MDGA2: variants seen among roughly 807,000 people sequenced by gnomAD.
The protein encoded by MDGA2 is MAM domain-containing glycosylphosphatidylinositol anchor protein 2.
MDGA2 carries 40 observed loss-of-function variants against 117.8 expected under a neutral mutation model. The observed-to-expected ratio is 0.34, with a 90% CI of 0.26 to 0.44. The LOEUF is 0.44. MDGA2 is among the 20% of genes least tolerant of loss of function. The pLI is 1.00. For missense variants in MDGA2, 1,123 were observed against 1,250.6 expected (o/e 0.90, Z 1.54); for synonymous variants, 452 against 439.0 (o/e 1.03, Z -0.37).
intron 16 of MDGA2, among the ~76,000 whole-genome samples, chr14:46,842,283 C>T (rs1880647738): frequency 6.6e-6 from 1 of 152,022 alleles, no homozygotes; most frequent in Admixed American, 6.6e-5. Context: ...ATAACATATT[C>T]ACATAGGTTT....
At chr14:47,381,960 T>C (rs1204824322) in intron 1 of MDGA2, among the ~76,000 whole-genome samples, 1 of 152,108 alleles carries the variant, frequency 6.6e-6, no homozygotes, top group Non-Finnish European at 1.5e-5. Context: ...GACTTCAAAC[T>C]ATACTACAAG....
In MDGA2 at chr14:47,674,855, ACT is replaced by A. The variant is rs1898150892; in HGVS notation, c.-61_-60del. ...CCCACAACACAATACCCTGACACAC[ACT>A]CACACGCACGCCGCACTCACACCGG... is the stretch of plus-strand genomic sequence containing the variant. On this transcript the variant is annotated 5_prime_UTR_variant, in exon 1 of 17. Coordinates refer to ENST00000399232, the MANE Select transcript of MDGA2 (RefSeq NM_001113498.3). 1.8e-6 allele frequency: 1 copy of A among 569,698 alleles called. No individual in the cohort carries two copies. The highest frequency in any genetic ancestry group is 3.3e-5 in the East Asian group (1 of 30,268). The allele number at this position is 569,698 out of a possible 1,614,324, so 35.3% of individuals were successfully genotyped here. A position where few individuals can be genotyped will look rare whatever the true frequency, so the allele number is the denominator to read the frequency against.
chr14:47,423,512 A>T (rs996929632), intron 1 of MDGA2, among the ~76,000 whole-genome samples: 1 of 151,962 alleles, frequency 6.6e-6, no homozygotes, highest in African/African-American at 2.4e-5. Context: ...CACAGCTACT[A>T]ATTGTCAGTC....
chr14:47,582,774 T>C (rs1486701824), intron 1 of MDGA2, among the ~76,000 whole-genome samples: 3 of 151,918 alleles, frequency 2.0e-5, no homozygotes, highest in Admixed American at 6.6e-5. Flanking sequence ...TTGGGGTTTG[T>C]TTATATTCTC....
intron 1 of MDGA2, among the ~76,000 whole-genome samples, chr14:47,574,445 C>T (rs1187863716): frequency 6.6e-6 from 1 of 152,130 alleles, no homozygotes; most frequent in Non-Finnish European, 1.5e-5. Flanking sequence ...CCCTTATATT[C>T]CAACTCTGTA....
At chr14:47,628,153 A>G (rs756539424) in intron 1 of MDGA2, among the ~76,000 whole-genome samples, 2 of 151,524 alleles carry the variant, frequency 1.3e-5, no homozygotes, top group Non-Finnish European at 2.9e-5. Flanking sequence ...CTTCTTCCCC[A>G]CTCTTGCCAT....
At chr14:47,583,904 G>A (rs1049028260) in intron 1 of MDGA2, among the ~76,000 whole-genome samples, 23 of 151,700 alleles carry the variant, frequency 1.5e-4, no homozygotes, top group African/African-American at 5.6e-4. Context: ...TTTTAGTTAT[G>A]TAAAGGGAAG....
At chr14:47,080,276 T>C (rs1449020071) in intron 6 of MDGA2, among the ~76,000 whole-genome samples, 1 of 152,182 alleles carries the variant, frequency 6.6e-6, no homozygotes, top group Non-Finnish European at 1.5e-5. Flanking sequence ...TTCACTTACA[T>C]TTAATTCAAT....
intron 3 of MDGA2, among the ~76,000 whole-genome samples, chr14:47,197,339 C>A (rs2139427366): frequency 6.6e-6 from 1 of 152,056 alleles, no homozygotes; most frequent in East Asian, 1.9e-4. Context: ...AAGAGATAGA[C>A]CCTTGCTGTC....
chr14:47,337,232 G>A (rs1890486359), intron 1 of MDGA2, among the ~76,000 whole-genome samples: 1 of 151,998 alleles, frequency 6.6e-6, no homozygotes, highest in Non-Finnish European at 1.5e-5. Flanking sequence ...ATTCAAGGAA[G>A]GTAAAATCTG....
chr14:47,326,662 T>C (rs1013186637), intron 1 of MDGA2, among the ~76,000 whole-genome samples: 2 of 150,362 alleles, frequency 1.3e-5, no homozygotes, highest in South Asian at 4.3e-4. Context: ...ATCATCCCTC[T>C]ACCCTGAAGC....
chr14:47,115,585 A>G (rs1185934104), intron 5 of MDGA2, among the ~76,000 whole-genome samples: 23 of 152,100 alleles, frequency 1.5e-4, no homozygotes, highest in Non-Finnish European at 2.9e-5. Context: ...AGGAGAAAGA[A>G]AAAGATTCAG....
chr14:47,357,844 G>T (rs111867156), intron 1 of MDGA2, among the ~76,000 whole-genome samples: 1 of 152,078 alleles, frequency 6.6e-6, no homozygotes, highest in African/African-American at 2.4e-5. Flanking sequence ...ACTCAGTAGC[G>T]CAAGAGTTTC....
At chr14:47,118,604 T>C (rs1881453822) in intron 5 of MDGA2, among the ~76,000 whole-genome samples, 2 of 152,176 alleles carry the variant, frequency 1.3e-5, no homozygotes, top group African/African-American at 2.4e-5. Context: ...AAACAAAAAA[T>C]ACCATTTGTT....
chr14:46,844,657 A>C (rs1880751010), intron 16 of MDGA2, among the ~76,000 whole-genome samples: 1 of 152,212 alleles, frequency 6.6e-6, no homozygotes, highest in Admixed American at 6.5e-5. Flanking sequence ...ATCTATGCTG[A>C]CATGGTAAGG....
intron 4 of MDGA2, among the ~76,000 whole-genome samples, chr14:47,137,423 A>T (rs1398615908): frequency 6.6e-6 from 1 of 152,114 alleles, no homozygotes; most frequent in Admixed American, 6.6e-5. Context: ...TCATGAATAG[A>T]TGATTAATGT....
intron 1 of MDGA2, among the ~76,000 whole-genome samples, chr14:47,586,033 C>A (rs1050636984): frequency 6.6e-6 from 1 of 151,850 alleles, no homozygotes; most frequent in East Asian, 1.9e-4. Context: ...GTTCTGGAGG[C>A]TGATGTCTGT....
intron 2 of MDGA2, among the ~76,000 whole-genome samples, chr14:47,301,055 C>A (rs17739774): frequency 6.6e-6 from 1 of 152,142 alleles, no homozygotes; most frequent in Middle Eastern, 3.4e-3. Context: ...TCATGTTCCA[C>A]GTTTTAAAAT....
At chr14:47,520,492 C>T (rs1029927513) in intron 1 of MDGA2, among the ~76,000 whole-genome samples, 7 of 152,130 alleles carry the variant, frequency 4.6e-5, no homozygotes, top group Admixed American at 1.3e-4. Flanking sequence ...AACTTCCTAA[C>T]GTAAAAATCT....
Sources: allele counts gnomAD v4.1 joint callset (sites outside exome capture counted in the v4.1 genomes callset), GRCh38; gene constraint gnomAD v4.1.1; transcripts MANE v1.5; gene names NCBI Gene and HGNC (gene_info 2026-07-23, HGNC 2026-07-21).